ADCY1: variants seen among roughly 807,000 people sequenced by gnomAD.
ADCY1 encodes the protein adenylate cyclase 1.
Under a neutral mutation model 105.4 loss-of-function variants are expected in ADCY1, and 28 were observed. The ratio of observed to expected loss-of-function variants is 0.27; its 90% CI spans 0.20 to 0.36. The LOEUF is 0.36. Among genes scored for constraint, ADCY1 ranks in the 10% least tolerant of loss-of-function variants. ADCY1 has a pLI of 1.00. For synonymous variants in ADCY1, 655 were observed against 623.8 expected (o/e 1.05, Z -0.75); for missense variants, 977 against 1,434.2 (o/e 0.68, Z 5.15).
In ADCY1 at chr7:45,575,520, C is replaced by G. The variant is rs1364473483; in HGVS notation, c.639+338C>G. ...GGGGTCCGCCGGTCTTTTGCCGCAC[C>G]CATCCCCACAGAGGGACTGAAAGTG... On this transcript the variant is annotated intron_variant, in intron 1 of 19. Coordinates refer to ENST00000297323, the MANE Select transcript of ADCY1 (RefSeq NM_021116.4). This position sits in a 1 kb window ranked among gnomAD's most constrained non-coding sequence, Gnocchi z 4.7. Among the ~76,000 whole-genome samples, 4 of 152,264 alleles carry G rather than the reference C, an allele frequency of 2.6e-5. No homozygotes were observed. In the East Asian group the frequency reaches 7.7e-4, roughly 29 times the overall value.
At chr7:45,600,138 G>T (rs905815786) in intron 2 of ADCY1, among the ~76,000 whole-genome samples, 1 of 152,264 alleles carries the variant, frequency 6.6e-6, no homozygotes, top group African/African-American at 2.4e-5. Flanking sequence ...TGCTGGTGAG[G>T]ACATGCGATC....
At chr7:45,692,951 G>C (rs1387995282) in intron 14 of ADCY1, among the ~76,000 whole-genome samples, 1 of 152,142 alleles carries the variant, frequency 6.6e-6, no homozygotes, top group Non-Finnish European at 1.5e-5. Context: ...AATGTTAGCG[G>C]GTAATAAAGG....
chr7:45,615,539 C>T (rs1584272259), intron 3 of ADCY1, among the ~76,000 whole-genome samples: 1 of 152,164 alleles, frequency 6.6e-6, no homozygotes, highest in East Asian at 1.9e-4. Flanking sequence ...GTTGAGGCTG[C>T]AGTGAGCTAT....
chr7:45,603,905 A>G (rs1365802765), intron 2 of ADCY1, among the ~76,000 whole-genome samples: 1 of 152,158 alleles, frequency 6.6e-6, no homozygotes, highest in Admixed American at 6.5e-5. Context: ...TTTATTACTA[A>G]GTGGCATTCT....
chr7:45,618,588 G>C (rs7780429), intron 3 of ADCY1, among the ~76,000 whole-genome samples: 21,119 of 152,102 alleles, frequency 0.14, 1,540 homozygotes, highest in South Asian at 0.2. Flanking sequence ...AAGAAGACAT[G>C]CAAATGGCCA....
intron 3 of ADCY1, among the ~76,000 whole-genome samples, chr7:45,615,664 C>T (rs117232922): frequency 3.9e-5 from 6 of 152,006 alleles, no homozygotes; most frequent in Non-Finnish European, 8.8e-5. Context: ...AAAATGAAAA[C>T]ACAACATACC....
chr7:45,713,759 A>G lies in ADCY1; in HGVS notation c.3124A>G (p.Ser1042Gly). 2 of 780,866 alleles carry G rather than the reference A, an allele frequency of 2.6e-6. No individual in the cohort carries two copies. The highest frequency in any genetic ancestry group is 2.7e-5 in the South Asian group (2 of 74,630). The allele number at this position is 780,866 out of a possible 1,614,324, so 48.4% of individuals were successfully genotyped here. ...PYHFVCRGKV[S>G]VKGKGEMLTY... ...CCACTTTGTGTGCCGAGGCAAAGTC[A>G]GTGTCAAGGGCAAAGGCGAGATGTT... Residue 1042 changes from serine (S) to glycine (G), a missense_variant, in exon 20 of 20, where the codon AGT becomes GGT. Coordinates refer to ENST00000297323, the MANE Select transcript of ADCY1 (RefSeq NM_021116.4).
chr7:45,633,551 C>T (rs1794317006), intron 4 of ADCY1, among the ~76,000 whole-genome samples: 1 of 152,104 alleles, frequency 6.6e-6, no homozygotes, highest in Non-Finnish European at 1.5e-5. Context: ...TGCCTGTAAT[C>T]CCAGCACTTT....
At chr7:45,598,452 T>C (rs1293436656) in intron 2 of ADCY1, among the ~76,000 whole-genome samples, 1 of 152,112 alleles carries the variant, frequency 6.6e-6, no homozygotes, top group Non-Finnish European at 1.5e-5. Flanking sequence ...AGAAAAGCAT[T>C]AAAGAGACTG....
At chr7:45,713,570 C>T (rs1785306445) in intron 19 of ADCY1, 123 bp from the exon 20 acceptor site, 3 of 642,674 alleles carry the variant, frequency 4.7e-6, no homozygotes, top group Admixed American at 4.9e-5. Flanking sequence ...AAAGCCACAT[C>T]CCAGTGCCAG....
chr7:45,684,945 G>T (rs1229245826), intron 11 of ADCY1, 34 bp from the exon 12 acceptor site: 8 of 1,580,172 alleles, frequency 5.1e-6, no homozygotes, highest in Middle Eastern at 1.7e-4. Context: ...TTGGTAATCA[G>T]AGGGTATTTT....
At chr7:45,599,185 T>C (rs2115810080) in intron 2 of ADCY1, among the ~76,000 whole-genome samples, 1 of 152,244 alleles carries the variant, frequency 6.6e-6, no homozygotes, top group South Asian at 2.1e-4. Flanking sequence ...TCCCAACTTG[T>C]TGGTCATATG....
chr7:45,676,713 C>G (rs955757768), intron 8 of ADCY1, among the ~76,000 whole-genome samples: 1 of 152,140 alleles, frequency 6.6e-6, no homozygotes, highest in South Asian at 2.1e-4. Context: ...TCTCCACTCC[C>G]TGTTCAGGTT....
At chr7:45,678,858 C>T (rs972309761) in intron 10 of ADCY1, among the ~76,000 whole-genome samples, 2 of 151,760 alleles carry the variant, frequency 1.3e-5, no homozygotes, top group Non-Finnish European at 2.9e-5. Flanking sequence ...TACACTCCAG[C>T]CTGGATGACA....
In ADCY1 at chr7:45,686,431, G is replaced by A. The variant is rs1195569866; in HGVS notation, c.2328-116G>A. ...TCTTGGCCAAGGTCAATCCCAGCAA[G>A]CTGTTTTTGGGTGTCACCACCTGAG... On this transcript the variant is annotated intron_variant, in intron 13 of 19. Coordinates refer to ENST00000297323, the MANE Select transcript of ADCY1 (RefSeq NM_021116.4). This position sits in a 1 kb window ranked among gnomAD's most constrained non-coding sequence, Gnocchi z 4.3. 1.4e-6 allele frequency: 2 copies of A among 1,474,202 alleles called. No homozygotes were observed. Among genetic ancestry groups the A allele is most frequent in the African/African-American group, 1.4e-5 (1 of 71,040 alleles). 91.3% of individuals were successfully genotyped at this position (1,474,202 alleles called of 1,614,324 possible). A position where few individuals can be genotyped will look rare whatever the true frequency, so the allele number is the denominator to read the frequency against.
intron 19 of ADCY1, among the ~76,000 whole-genome samples, chr7:45,711,601 C>T (rs982905672): frequency 4.4e-5 from 5 of 112,650 alleles, no homozygotes; most frequent in African/African-American, 1.0e-4. Context: ...TCCAGAACTT[C>T]GTGCTGTATA....
chr7:45,678,897 A>ATAG (rs1240087133), intron 10 of ADCY1, among the ~76,000 whole-genome samples: 1 of 151,432 alleles, frequency 6.6e-6, no homozygotes, highest in Non-Finnish European at 1.5e-5. Context: ...AAAAATAATA[A>ATAG]TAATAATAAT....
intron 2 of ADCY1, among the ~76,000 whole-genome samples, chr7:45,596,857 T>A (rs1339222507): frequency 6.6e-6 from 1 of 152,082 alleles, no homozygotes; most frequent in African/African-American, 2.4e-5. Flanking sequence ...GAAAGAGACA[T>A]CATGAACACG....
Position 45,686,357 on chromosome 7 carries a change from C to T in ADCY1, c.2327+142C>T. 2 of 1,421,190 alleles carry T rather than the reference C, an allele frequency of 1.4e-6. No individual in the cohort carries two copies. Among genetic ancestry groups the T allele is most frequent in the Admixed American group, 2.5e-5 (1 of 40,112 alleles). 88.0% of individuals were successfully genotyped at this position (1,421,190 alleles called of 1,614,324 possible). A position where few individuals can be genotyped will look rare whatever the true frequency, so the allele number is the denominator to read the frequency against. ...AATTTTTAGTTTGGTGGCTGCTTCT[C>T]TTCAACCCAAGTTCTAGCAAGGACT... On this transcript the variant is annotated intron_variant, in intron 13 of 19. Transcript: ENST00000297323. This position sits in a 1 kb window ranked among gnomAD's most constrained non-coding sequence, Gnocchi z 4.3.
Sources: allele counts gnomAD v4.1 joint callset (sites outside exome capture counted in the v4.1 genomes callset), GRCh38; gene constraint gnomAD v4.1.1; non-coding constraint Gnocchi (gnomAD v3.1); transcripts MANE v1.5; gene names NCBI Gene and HGNC (gene_info 2026-07-23, HGNC 2026-07-21).